MYRIP: variants seen among roughly 807,000 people sequenced by gnomAD.
The protein encoded by MYRIP is myosin VIIA and Rab interacting protein, also known as rab effector MyRIP.
MYRIP carries 49 observed loss-of-function variants against 98.0 expected under a neutral mutation model. That is an observed-to-expected ratio of 0.50 (90% CI 0.40 to 0.63). MYRIP has a LOEUF of 0.63. Among genes scored for constraint, MYRIP ranks in the 30% least tolerant of loss-of-function variants. The pLI is 0.00. For synonymous variants in MYRIP, 404 were observed against 409.5 expected, an observed-to-expected ratio of 0.99 and a Z score of 0.16; for missense variants, 1,004 against 1,058.2, an observed-to-expected ratio of 0.95 and a Z score of 0.71.
intron 3 of MYRIP, among the ~76,000 whole-genome samples, chr3:40,122,162 T>C (rs930706665): frequency 6.6e-6 from 1 of 152,096 alleles, no homozygotes; most frequent in Non-Finnish European, 1.5e-5. Context: ...ATGAGCAACA[T>C]TAACTCAGAA....
At chr3:40,058,165 A>AT (rs934767430) in intron 3 of MYRIP, among the ~76,000 whole-genome samples, 3 of 152,154 alleles carry the variant, frequency 2.0e-5, no homozygotes, top group East Asian at 3.9e-4. Context: ...AATTCCCATA[A>AT]TTTTTTTCCC....
At chr3:39,985,733 G>A (rs1643910776) in intron 2 of MYRIP, among the ~76,000 whole-genome samples, 1 of 151,546 alleles carries the variant, frequency 6.6e-6, no homozygotes, top group Admixed American at 6.6e-5. Context: ...AATAAATGGT[G>A]CTGGAAAAAC....
intron 10 of MYRIP, among the ~76,000 whole-genome samples, chr3:40,205,453 C>T (rs913622684): frequency 2.0e-5 from 3 of 152,110 alleles, no homozygotes; most frequent in African/African-American, 7.2e-5. Context: ...ATGAAAAGCA[C>T]TGCTTTCTTG....
Position 40,258,602 on chromosome 3 carries a change from T to C in MYRIP, c.*436T>C, listed in dbSNP as rs1953677298. The C allele has an allele frequency of 5.6e-6, 1 of 177,716 alleles. No homozygotes were observed. Among genetic ancestry groups the C allele is most frequent in the Non-Finnish European group, 1.2e-5 (1 of 81,736 alleles). The allele number at this position is 177,716 out of a possible 1,614,324, so 11.0% of individuals were successfully genotyped here. A position where few individuals can be genotyped will look rare whatever the true frequency, so the allele number is the denominator to read the frequency against. On this transcript the variant is annotated 3_prime_UTR_variant, in exon 17 of 17. Coordinates refer to ENST00000302541, the MANE Select transcript of MYRIP (RefSeq NM_015460.4). ...AAGGTGGGAATTATTATTTAATACA[T>C]CATTAATGCTTATTAATCTCTCACA...
chr3:40,077,127 G>A (rs1471268807), intron 3 of MYRIP, among the ~76,000 whole-genome samples: 2 of 152,136 alleles, frequency 1.3e-5, no homozygotes, highest in South Asian at 4.1e-4. Flanking sequence ...CTTCTGGCGG[G>A]TTCGTGGTCT....
chr3:39,966,611 A>T (rs1056862020), intron 2 of MYRIP, among the ~76,000 whole-genome samples: 3 of 152,036 alleles, frequency 2.0e-5, no homozygotes, highest in African/African-American at 7.2e-5. Flanking sequence ...CCCTGTAGCC[A>T]TTATTATCCT....
At chr3:40,160,802 A>G (rs1295793041) in intron 4 of MYRIP, among the ~76,000 whole-genome samples, 1 of 152,156 alleles carries the variant, frequency 6.6e-6, no homozygotes, top group Non-Finnish European at 1.5e-5. Flanking sequence ...TGACTAGGAA[A>G]GGGAACTCCC....
At chr3:40,070,142 C>T (rs1049567692) in intron 3 of MYRIP, among the ~76,000 whole-genome samples, 2 of 152,192 alleles carry the variant, frequency 1.3e-5, no homozygotes, top group Admixed American at 6.5e-5. Context: ...CAAAACAGAA[C>T]ATAATACTTG....
chr3:39,925,745 A>C (rs1944407714), intron 2 of MYRIP, among the ~76,000 whole-genome samples: 1 of 152,054 alleles, frequency 6.6e-6, no homozygotes, highest in Admixed American at 6.6e-5. Flanking sequence ...TGGGTGCCTA[A>C]GTTGATTCCA....
chr3:40,057,379 A>C (rs776687859), intron 3 of MYRIP, among the ~76,000 whole-genome samples: 4 of 152,230 alleles, frequency 2.6e-5, no homozygotes, highest in Non-Finnish European at 5.9e-5. Context: ...AAAGGGGCTG[A>C]AGTTAAAAAG....
At chr3:39,894,328 A>C (rs1458770) in intron 1 of MYRIP, among the ~76,000 whole-genome samples, 97,939 of 152,044 alleles carry the variant, frequency 0.64, 33,223 homozygotes, top group African/African-American at 0.87. Context: ...TAACCACTAC[A>C]CTGCTTCTAA....
chr3:40,257,358 G>A (rs952701900), intron 16 of MYRIP, among the ~76,000 whole-genome samples: 3 of 152,102 alleles, frequency 2.0e-5, no homozygotes, highest in Non-Finnish European at 2.9e-5. Flanking sequence ...AGGTTTTGTG[G>A]GAATGCAAGG....
intron 1 of MYRIP, among the ~76,000 whole-genome samples, chr3:39,854,762 G>T (rs1216786039): frequency 6.6e-6 from 1 of 152,104 alleles, no homozygotes; most frequent in South Asian, 2.1e-4. Flanking sequence ...TTCTCATTTG[G>T]GTAGACTATT....
intron 8 of MYRIP, among the ~76,000 whole-genome samples, chr3:40,170,803 C>G (rs1950595968): frequency 6.6e-6 from 1 of 152,154 alleles, no homozygotes; most frequent in Admixed American, 6.5e-5. Flanking sequence ...TGGGACAGGG[C>G]AGCACACAGG....
At chr3:40,032,312 C>G (rs937061262) in intron 2 of MYRIP, among the ~76,000 whole-genome samples, 3 of 152,042 alleles carry the variant, frequency 2.0e-5, no homozygotes, top group African/African-American at 7.2e-5. Flanking sequence ...GCAGGTTGTT[C>G]AGTTTCCATG....
At position 39,943,357 on chromosome 3, in the gene MYRIP, G is replaced by A. The variant is rs145803996; in HGVS notation, c.110+42431G>A. On this transcript the variant is annotated intron_variant, in intron 2 of 16. Coordinates refer to ENST00000302541, the MANE Select transcript of MYRIP (RefSeq NM_015460.4). ...AAAAACAAATGGAAAACAACTTGCT[G>A]TTGTTCCATGTCCTTACTCTGATGC... Among the ~76,000 whole-genome samples the A allele has an allele frequency of 6.1e-4, 93 of 152,264 alleles. No homozygotes were observed. In the East Asian group the frequency reaches 0.015, roughly 24 times the overall value.
At chr3:39,927,786 T>A (rs1944449698) in intron 2 of MYRIP, among the ~76,000 whole-genome samples, 1 of 151,904 alleles carries the variant, frequency 6.6e-6, no homozygotes, top group South Asian at 2.1e-4. Flanking sequence ...GATGTGAAAA[T>A]CCTCAACAGA....
chr3:39,985,055 C>A (rs1316904840), intron 2 of MYRIP, among the ~76,000 whole-genome samples: 2 of 116,818 alleles, frequency 1.7e-5, no homozygotes, highest in African/African-American at 8.6e-5. Context: ...ATGTCCTTCA[C>A]CCACTTTTTG....
Position 40,259,783 on chromosome 3 carries a change from G to A in MYRIP, c.*1617G>A, listed in dbSNP as rs1044143938. On this transcript the variant is annotated 3_prime_UTR_variant, in exon 17 of 17. Coordinates refer to ENST00000302541, the MANE Select transcript of MYRIP (RefSeq NM_015460.4). ...AAGTAAATCTTTGGCTTTTTGTTCT[G>A]TTGGTGTGATTCAAAGCAAAACAAA... The A allele has an allele frequency of 6.6e-6, 1 of 152,542 alleles. No homozygotes were observed. Among genetic ancestry groups the A allele is most frequent in the Non-Finnish European group, 1.5e-5 (1 of 68,038 alleles). 9.4% of individuals were successfully genotyped at this position (152,542 alleles called of 1,614,324 possible).
Sources: allele counts gnomAD v4.1 joint callset (sites outside exome capture counted in the v4.1 genomes callset), GRCh38; gene constraint gnomAD v4.1.1; transcripts MANE v1.5; gene names NCBI Gene and HGNC (gene_info 2026-07-23, HGNC 2026-07-21).